KHDRBS2: variants seen among roughly 807,000 people sequenced by gnomAD.
KHDRBS2 encodes KH RNA binding domain containing, signal transduction associated 2.
A neutral mutation model predicts 44.3 loss-of-function variants in KHDRBS2; 26 were observed. The observed-to-expected ratio is 0.59, with a 90% CI of 0.43 to 0.81. The LOEUF is 0.81. Among genes scored for constraint, KHDRBS2 ranks in the 40% least tolerant of loss-of-function variants. The pLI is 0.00. For synonymous variants in KHDRBS2, 194 were observed against 151.1 expected (o/e 1.28, Z -2.08); for missense variants, 476 against 433.1 (o/e 1.10, Z -0.88).
chr6:62,048,820 C>T (rs1301932939), intron 2 of KHDRBS2, among the ~76,000 whole-genome samples: 3 of 151,764 alleles, frequency 2.0e-5, no homozygotes, highest in East Asian at 1.9e-4. Context: ...TGCCATAATT[C>T]GTCGATTAAA....
intron 3 of KHDRBS2, among the ~76,000 whole-genome samples, chr6:62,018,853 A>G (rs534490497): frequency 2.0e-5 from 3 of 152,246 alleles, no homozygotes; most frequent in South Asian, 4.1e-4. Flanking sequence ...TTACTTTACT[A>G]TTATCTAATA....
At chr6:62,026,801 T>G (rs1421343036) in intron 3 of KHDRBS2, among the ~76,000 whole-genome samples, 1 of 152,122 alleles carries the variant, frequency 6.6e-6, no homozygotes, top group Admixed American at 6.6e-5. Context: ...AAAAGTTATG[T>G]GCCTAACTCT....
chr6:61,841,426 T>C (rs1469132217), intron 6 of KHDRBS2, among the ~76,000 whole-genome samples: 2 of 152,166 alleles, frequency 1.3e-5, no homozygotes, highest in Non-Finnish European at 2.9e-5. Context: ...TTTAAATAAT[T>C]CTGTTTAAAA....
chr6:62,105,100 G>C (rs1802857225), intron 2 of KHDRBS2, among the ~76,000 whole-genome samples: 1 of 152,062 alleles, frequency 6.6e-6, no homozygotes, highest in Non-Finnish European at 1.5e-5. Context: ...ATGATCATTT[G>C]TACAGTCCTA....
chr6:62,037,558 G>A (rs1475206029), intron 3 of KHDRBS2, among the ~76,000 whole-genome samples: 1 of 151,806 alleles, frequency 6.6e-6, no homozygotes, highest in East Asian at 1.9e-4. Context: ...AAAACGAAGA[G>A]AAAACAGTAA....
At chr6:61,635,536 G>T in the KHDRBS2 span, among the ~76,000 whole-genome samples, 1 of 151,984 alleles carries the variant, frequency 6.6e-6, no homozygotes, top group African/African-American at 2.4e-5. Context: ...TATTATGGTT[G>T]CATATCACCT....
rs762557958 is a variant in KHDRBS2, at chr6:62,234,253, CT to C, written c.91+51604del. 5.7e-4 allele frequency among the ~76,000 whole-genome samples: 87 copies of C among 152,196 alleles called. No homozygotes were observed. In the Middle Eastern group the frequency reaches 0.01, roughly 18 times the overall value. ...GAAAATAGATTCAAGTTCTAGTTTA[CT>C]ACATACTAGTTAGGGTGACTTTGGA... On this transcript the variant is annotated intron_variant, in intron 1 of 8. Transcript: ENST00000281156.
chr6:62,003,871 A>G (rs1279843213), intron 3 of KHDRBS2, among the ~76,000 whole-genome samples: 2 of 152,178 alleles, frequency 1.3e-5, no homozygotes, highest in Admixed American at 6.5e-5. Context: ...ACACAACTAC[A>G]TGGAAACCAA....
chr6:61,994,990 G>C (rs1776893132), intron 3 of KHDRBS2, among the ~76,000 whole-genome samples: 1 of 152,100 alleles, frequency 6.6e-6, no homozygotes, highest in South Asian at 2.1e-4. Context: ...CGTGGCTTGA[G>C]CATAGGGAAT....
At chr6:61,699,627 A>C (rs1768340206) in intron 7 of KHDRBS2, among the ~76,000 whole-genome samples, 1 of 152,032 alleles carries the variant, frequency 6.6e-6, no homozygotes, top group South Asian at 2.1e-4. Flanking sequence ...CCCACAAAGC[A>C]ATTCCATAGG....
chr6:61,599,821 G>C, the KHDRBS2 span, among the ~76,000 whole-genome samples: 1 of 152,202 alleles, frequency 6.6e-6, no homozygotes, highest in Non-Finnish European at 1.5e-5. Flanking sequence ...CCACTGGAAA[G>C]AACCTGAAAA....
intron 2 of KHDRBS2, among the ~76,000 whole-genome samples, chr6:62,065,780 TA>T (rs57422009): frequency 0.073 from 9,179 of 125,044 alleles, 508 homozygotes; most frequent in African/African-American, 0.18. Flanking sequence ...ACTTAAAGTA[TA>T]AAAAAAAAAA....
chr6:61,785,629 AATC>A (rs940912541), intron 6 of KHDRBS2, among the ~76,000 whole-genome samples: 23 of 152,088 alleles, frequency 1.5e-4, no homozygotes, highest in Non-Finnish European at 8.8e-5. Flanking sequence ...CTCTTTTTTA[AATC>A]ATATGTTCCA....
At chr6:61,601,766 G>T in the KHDRBS2 span, among the ~76,000 whole-genome samples, 1 of 151,768 alleles carries the variant, frequency 6.6e-6, no homozygotes, top group African/African-American at 2.4e-5. Flanking sequence ...GCTGAGCCAG[G>T]TCCCAATTCT....
intron 2 of KHDRBS2, among the ~76,000 whole-genome samples, chr6:62,126,087 C>T (rs1443754898): frequency 1.3e-5 from 2 of 152,142 alleles, no homozygotes; most frequent in East Asian, 1.9e-4. Flanking sequence ...CATTTCTGAA[C>T]GTGCCCTGGG....
chr6:61,791,959 G>A (rs1264861867), intron 6 of KHDRBS2, among the ~76,000 whole-genome samples: 1 of 149,666 alleles, frequency 6.7e-6, no homozygotes, highest in Admixed American at 6.7e-5. Flanking sequence ...TTTTTGATTT[G>A]TCCTTCATGG....
At chr6:61,764,953 CTT>C (rs1779786025) in intron 6 of KHDRBS2, among the ~76,000 whole-genome samples, 1 of 62,866 alleles carries the variant, frequency 1.6e-5, no homozygotes, top group East Asian at 7.0e-4. Flanking sequence ...AAATCAAAAA[CTT>C]AATAGTTAAA....
chr6:61,641,151 T>C, the KHDRBS2 span, among the ~76,000 whole-genome samples: 1 of 152,152 alleles, frequency 6.6e-6, no homozygotes, highest in Non-Finnish European at 1.5e-5. Context: ...TCCATTTTCC[T>C]ATGGATTACT....
At chr6:61,912,055 G>A (rs962531329) in intron 4 of KHDRBS2, among the ~76,000 whole-genome samples, 1 of 152,064 alleles carries the variant, frequency 6.6e-6, no homozygotes, top group Non-Finnish European at 1.5e-5. Flanking sequence ...AATTAGCAAA[G>A]CCAAGCAAGA....
Sources: gnomAD v4.1 joint callset for allele counts (sites outside exome capture counted in the v4.1 genomes callset) on GRCh38, gnomAD v4.1.1 for gene constraint, MANE v1.5 for transcripts, NCBI Gene and HGNC (gene_info 2026-07-23, HGNC 2026-07-21) for gene names.